PDE10A: variants seen among roughly 807,000 people sequenced by gnomAD.
PDE10A encodes phosphodiesterase 10A, also known as cAMP and cAMP-inhibited cGMP 3',5'-cyclic phosphodiesterase 10A.
A neutral mutation model predicts 97.7 loss-of-function variants in PDE10A; 39 were observed. The ratio of observed to expected loss-of-function variants is 0.40; its 90% CI spans 0.31 to 0.52. The LOEUF (loss-of-function observed/expected upper bound fraction) is 0.52, where lower values mean the gene tolerates loss of function less well. PDE10A is among the 20% of genes least tolerant of loss of function. PDE10A has a pLI of 0.56. For missense variants in PDE10A, 731 were observed against 1,047.8 expected (o/e 0.70, Z 4.17); for synonymous variants, 371 against 376.8 (o/e 0.98, Z 0.18).
chr6:165,934,476 C>CAA (rs113231353), intron 1 of PDE10A, among the ~76,000 whole-genome samples: 1 of 150,180 alleles, frequency 6.7e-6, no homozygotes, highest in African/African-American at 2.4e-5. Context: ...AAACTAGTGA[C>CAA]AAAAAAAAAC....
At chr6:165,350,482 G>A (rs563570363) in intron 18 of PDE10A, among the ~76,000 whole-genome samples, 1 of 152,212 alleles carries the variant, frequency 6.6e-6, no homozygotes, top group South Asian at 2.1e-4. Flanking sequence ...TAGGTGGGAG[G>A]GACTTGTATC....
At chr6:165,727,459 T>A (rs531455211) in intron 1 of PDE10A, among the ~76,000 whole-genome samples, 4 of 152,350 alleles carry the variant, frequency 2.6e-5, no homozygotes, top group African/African-American at 9.6e-5. Flanking sequence ...GCTAGATGCC[T>A]GTTCCTCCTC....
chr6:165,969,282 A>T (rs991589823), intron 1 of PDE10A, among the ~76,000 whole-genome samples: 1 of 152,216 alleles, frequency 6.6e-6, no homozygotes, highest in Non-Finnish European at 1.5e-5. Context: ...CCCTGACAAG[A>T]TAAGCAGCTC....
rs1004508885 is a variant in PDE10A, at chr6:165,547,520, G to A, written c.866-3952C>T. Reference sequence around the variant, plus strand: ...GTTAGATTTAACACTGGTACCTGAAGATACACAACAAAAGGCATAATAAAG... The same window carrying A: ...GTTAGATTTAACACTGGTACCTGAAAATACACAACAAAAGGCATAATAAAG... On this transcript the variant is annotated intron_variant, in intron 1 of 21. Coordinates refer to ENST00000539869, the MANE Select transcript of PDE10A (RefSeq NM_001385079.1). Among the ~76,000 whole-genome samples the A allele has an allele frequency of 2.0e-5, 3 of 152,268 alleles. No individual in the cohort carries two copies. In the South Asian group the frequency reaches 6.2e-4, roughly 32 times the overall value.
At chr6:165,937,203 G>A (rs766650535) in intron 1 of PDE10A, among the ~76,000 whole-genome samples, 7 of 152,184 alleles carry the variant, frequency 4.6e-5, no homozygotes, top group Non-Finnish European at 8.8e-5. Context: ...CAAGCTCCAC[G>A]TGCCATTGCC....
At chr6:165,554,702 T>C (rs1330194462) in intron 1 of PDE10A, among the ~76,000 whole-genome samples, 3 of 152,154 alleles carry the variant, frequency 2.0e-5, no homozygotes, top group African/African-American at 7.2e-5. Context: ...ATCGATGAGA[T>C]ACCTGAACTC....
intron 18 of PDE10A, among the ~76,000 whole-genome samples, chr6:165,358,221 T>C (rs894059503): frequency 5.9e-5 from 9 of 152,146 alleles, no homozygotes; most frequent in African/African-American, 2.2e-4. Flanking sequence ...TAGGTCACAA[T>C]AGTGTCGTTT....
At chr6:165,810,715 G>A (rs10455962) in intron 1 of PDE10A, among the ~76,000 whole-genome samples, 25,204 of 151,830 alleles carry the variant, frequency 0.17, 2,736 homozygotes, top group East Asian at 0.41. Context: ...CTGGTGTTCT[G>A]CTCGCTCAGT....
chr6:165,625,757 G>A (rs1788356183), intron 1 of PDE10A, among the ~76,000 whole-genome samples: 1 of 152,188 alleles, frequency 6.6e-6, no homozygotes, highest in Non-Finnish European at 1.5e-5. Flanking sequence ...CTTCTGCCAT[G>A]ATTGTGAGGC....
At chr6:165,596,724 G>A (rs969569585) in intron 1 of PDE10A, among the ~76,000 whole-genome samples, 1 of 151,980 alleles carries the variant, frequency 6.6e-6, no homozygotes. Flanking sequence ...GTGAGACCAT[G>A]TCACACACAC....
chr6:165,967,745 T>A (rs1440491337), intron 1 of PDE10A, among the ~76,000 whole-genome samples: 2 of 152,220 alleles, frequency 1.3e-5, no homozygotes, highest in Non-Finnish European at 2.9e-5. Flanking sequence ...GCTTTTGAGA[T>A]AGCCCTGTGA....
chr6:165,689,891 G>A (rs1190746739), intron 1 of PDE10A, among the ~76,000 whole-genome samples: 4 of 152,172 alleles, frequency 2.6e-5, no homozygotes, highest in African/African-American at 9.7e-5. Context: ...GCAATGTCCA[G>A]TTCTGCCACC....
intron 1 of PDE10A, among the ~76,000 whole-genome samples, chr6:165,627,182 A>G (rs146385621): frequency 1.3e-5 from 2 of 152,334 alleles, no homozygotes; most frequent in Admixed American, 1.3e-4. Flanking sequence ...TATTGCTTTT[A>G]TACAAAACAT....
intron 1 of PDE10A, among the ~76,000 whole-genome samples, chr6:165,771,654 T>TAAAAAAAAA (rs35902541): frequency 4.1e-4 from 43 of 106,134 alleles, no homozygotes; most frequent in East Asian, 8.3e-4. Flanking sequence ...TTTAACAAGA[T>TAAAAAAAAA]AAAAAAAAAA....
chr6:165,379,253 C>T lies in PDE10A; in HGVS notation c.2724G>A (p.Arg908=), dbSNP rs1292549715. Residue 908 remains arginine (R), a synonymous_variant, in exon 18 of 22, where the codon AGG becomes AGA. Transcript: ENST00000539869. ...TCTGGTACATCTCTTCCAACTGCTT[C>T]CTGTTTCCAAAGTATAAAGCAAGGT... ...ATDLALYFGN[R]KQLEEMYQTG... is the part of the protein sequence containing the mutation. The T allele has an allele frequency of 6.2e-7, 1 of 1,613,576 alleles. No individual in the cohort carries two copies. The highest frequency in any genetic ancestry group is 8.5e-7 in the Non-Finnish European group (1 of 1,179,652).
At chr6:165,348,688 C>T (rs1782478628) in intron 18 of PDE10A, among the ~76,000 whole-genome samples, 1 of 152,240 alleles carries the variant, frequency 6.6e-6, no homozygotes, top group African/African-American at 2.4e-5. Flanking sequence ...TATAGTTGTC[C>T]CCCACCCAAA....
chr6:165,573,275 GGT>G (rs2128346940), intron 1 of PDE10A, among the ~76,000 whole-genome samples: 1 of 39,638 alleles, frequency 2.5e-5, no homozygotes, highest in African/African-American at 7.9e-5. Context: ...CTGATGTCTG[GGT>G]TTTTTTTTTT....
At chr6:165,735,353 G>A (rs1395813939) in intron 1 of PDE10A, among the ~76,000 whole-genome samples, 5 of 142,948 alleles carry the variant, frequency 3.5e-5, no homozygotes, top group Non-Finnish European at 8.0e-5. Flanking sequence ...TAGATGGGTA[G>A]GTAGATAGGT....
intron 10 of PDE10A, among the ~76,000 whole-genome samples, chr6:165,425,757 T>C (rs111836886): frequency 6.2e-5 from 8 of 130,042 alleles, no homozygotes; most frequent in African/African-American, 2.0e-4. Flanking sequence ...TCTCTAATTA[T>C]AGAAGGCATG....
Sources: gnomAD v4.1 joint callset for allele counts (sites outside exome capture counted in the v4.1 genomes callset) on GRCh38, gnomAD v4.1.1 for gene constraint, MANE v1.5 for transcripts, NCBI Gene and HGNC (gene_info 2026-07-23, HGNC 2026-07-21) for gene names.